ELK3: variants seen among roughly 807,000 people sequenced by gnomAD.
ELK3 encodes ETS domain-containing protein Elk-3.
Under a neutral mutation model 28.9 loss-of-function variants are expected in ELK3, and 10 were observed. The ratio of observed to expected loss-of-function variants is 0.35; its 90% confidence interval spans 0.21 to 0.59. ELK3 has a LOEUF of 0.59. Among genes scored for constraint, ELK3 ranks in the 20% least tolerant of loss-of-function variants. ELK3 has a pLI of 0.82. For missense variants in ELK3, 463 were observed against 517.3 expected (o/e 0.90, Z 1.02); for synonymous variants, 272 against 243.5 (o/e 1.12, Z -1.09).
In ELK3 at chr12:96,259,803, G is replaced by A. The variant is rs749729899; in HGVS notation, c.1075G>A (p.Val359Ile). The change falls in exon 4 of 5, where the codon GTT becomes ATT. Residue 359 changes from valine (V) to isoleucine (I), a missense_variant. Physicochemically the swap from Val to Ile is conservative, Grantham distance 29. This residue lies in a region of ELK3 where 408 missense variants were observed against 414.8 expected (regional missense o/e 0.98). Coordinates refer to ENST00000228741, the MANE Select transcript of ELK3 (RefSeq NM_005230.4). ...SIHFWSSLSP[V>I]APLSPARLQG... ...ACATTTCTGGAGCAGCCTTAGTCCAGTTGCTCCGCTGAGTCCTGCCAGGCT... is the reference window on the plus strand; with the variant it reads ...ACATTTCTGGAGCAGCCTTAGTCCAATTGCTCCGCTGAGTCCTGCCAGGCT... 1.9e-6 allele frequency: 3 copies of A among 1,610,194 alleles called. No individual in the cohort carries two copies. The African/African-American group carries it at 4.0e-5, about 21-fold the overall frequency.
At chr12:96,262,190 T>C (rs190978412) in intron 4 of ELK3, among the ~76,000 whole-genome samples, 219 of 152,174 alleles carry the variant, frequency 1.4e-3, no homozygotes, top group African/African-American at 5.1e-3. Flanking sequence ...AGTTAATTTT[T>C]GTATTTTTAG....
At chr12:96,235,044 G>A (rs1250572696) in intron 2 of ELK3, among the ~76,000 whole-genome samples, 1 of 152,038 alleles carries the variant, frequency 6.6e-6, no homozygotes, top group African/African-American at 2.4e-5. Context: ...GAGTGGCCCC[G>A]GAATACCCCA....
At chr12:96,240,567 T>A (rs138634172) in intron 2 of ELK3, among the ~76,000 whole-genome samples, 1 of 152,254 alleles carries the variant, frequency 6.6e-6, no homozygotes, top group East Asian at 1.9e-4. Context: ...TAGGGTCAAG[T>A]GGGTATTTAT....
intron 3 of ELK3, among the ~76,000 whole-genome samples, chr12:96,249,393 G>A (rs139693957): frequency 6.6e-6 from 1 of 152,134 alleles, no homozygotes; most frequent in East Asian, 1.9e-4. Flanking sequence ...CACTGCGGAG[G>A]GGGAGGGCCA....
At chr12:96,203,032 G>A (rs572885231) in intron 1 of ELK3, among the ~76,000 whole-genome samples, 11 of 152,100 alleles carry the variant, frequency 7.2e-5, no homozygotes, top group Admixed American at 2.0e-4. Flanking sequence ...ACAGGCATGC[G>A]CCACCCCACC....
At chr12:96,237,956 T>C (rs1951795878) in intron 2 of ELK3, among the ~76,000 whole-genome samples, 1 of 151,876 alleles carries the variant, frequency 6.6e-6, no homozygotes. Flanking sequence ...TTGAAGAAAA[T>C]GTGTTGGCCA....
intron 2 of ELK3, among the ~76,000 whole-genome samples, chr12:96,234,122 G>A (rs1565785335): frequency 6.6e-6 from 1 of 152,216 alleles, no homozygotes; most frequent in African/African-American, 2.4e-5. Context: ...AGGGGACCAG[G>A]CTGCTGGGAG....
chr12:96,248,901 T>G (rs140188175), intron 3 of ELK3, among the ~76,000 whole-genome samples: 1,628 of 152,320 alleles, frequency 0.011, 47 homozygotes, highest in Admixed American at 0.063. Context: ...AGTTCAGATG[T>G]TTTCAGATTT....
chr12:96,221,039 G>A (rs1394866878), intron 1 of ELK3, among the ~76,000 whole-genome samples: 1 of 152,170 alleles, frequency 6.6e-6, no homozygotes, highest in East Asian at 1.9e-4. Context: ...ACCCCAACTC[G>A]GCAATGGGAT....
intron 1 of ELK3, 150 bp from the exon 2 acceptor site, chr12:96,223,415 C>T (rs931739636): frequency 2.9e-6 from 2 of 679,288 alleles, no homozygotes; most frequent in African/African-American, 3.6e-5. Context: ...CAGAGTGGCC[C>T]CTTGAGATGG....
intron 3 of ELK3, among the ~76,000 whole-genome samples, chr12:96,256,846 G>A (rs1211362208): frequency 6.6e-6 from 1 of 152,202 alleles, no homozygotes; most frequent in Non-Finnish European, 1.5e-5. Flanking sequence ...CGGGGCAGGG[G>A]TGCACAGGTG....
At chr12:96,208,971 C>T (rs1488633444) in intron 1 of ELK3, among the ~76,000 whole-genome samples, 1 of 152,202 alleles carries the variant, frequency 6.6e-6, no homozygotes, top group Non-Finnish European at 1.5e-5. Flanking sequence ...TGCAGACTTC[C>T]CGGTCCCCAG....
At chr12:96,209,735 T>C (rs1214725794) in intron 1 of ELK3, among the ~76,000 whole-genome samples, 1 of 152,234 alleles carries the variant, frequency 6.6e-6, no homozygotes, top group African/African-American at 2.4e-5. Flanking sequence ...ATCCTTATTA[T>C]AAAGATCATT....
At chr12:96,202,311 G>C (rs918563341) in intron 1 of ELK3, among the ~76,000 whole-genome samples, 1 of 152,128 alleles carries the variant, frequency 6.6e-6, no homozygotes, top group Non-Finnish European at 1.5e-5. Context: ...TGCTTAAGGT[G>C]TCCTCTGCCC....
chr12:96,212,373 A>T (rs1951584155), intron 1 of ELK3, among the ~76,000 whole-genome samples: 2 of 152,248 alleles, frequency 1.3e-5, no homozygotes, highest in South Asian at 4.1e-4. Flanking sequence ...CTGTTTAAAG[A>T]AAAAGCATTG....
At chr12:96,241,366 A>C (rs531678257) in intron 2 of ELK3, among the ~76,000 whole-genome samples, 1 of 148,902 alleles carries the variant, frequency 6.7e-6, no homozygotes, top group Non-Finnish European at 1.5e-5. Flanking sequence ...TTTCTCATCT[A>C]TCTACTATTT....
chr12:96,217,249 G>T (rs969676211), intron 1 of ELK3, among the ~76,000 whole-genome samples: 1 of 152,114 alleles, frequency 6.6e-6, no homozygotes, highest in South Asian at 2.1e-4. Context: ...AGACCTAGTC[G>T]AAAAGAAAAG....
chr12:96,218,903 C>T (rs563746495), intron 1 of ELK3, among the ~76,000 whole-genome samples: 1 of 152,270 alleles, frequency 6.6e-6, no homozygotes, highest in Non-Finnish European at 1.5e-5. Flanking sequence ...CCGCCTCGGC[C>T]TCGCAAAGTG....
rs752949234 is a variant in ELK3 at position 96,247,456 on chromosome 12, C to G, written c.724C>G (p.Arg242Gly). 1.9e-6 allele frequency: 3 copies of G among 1,614,018 alleles called. No homozygotes were observed. The highest frequency in any genetic ancestry group is 2.7e-5 in the African/African-American group (2 of 74,926). ...SISSASPFSS[R>G]SPSLSPNSPL... ...TTCATCCGCCTCACCCTTCTCATCT[C>G]GGTCCCCGTCCCTGTCCCCCAACTC... The change falls in exon 3 of 5, where the codon CGG becomes GGG. Residue 242 changes from arginine (R) to glycine (G), a missense_variant. Transcript: ENST00000228741. This position sits in a 1 kb window ranked among gnomAD's most constrained non-coding sequence, Gnocchi z 5.5.
Sources: allele counts gnomAD v4.1 joint callset (sites outside exome capture counted in the v4.1 genomes callset), GRCh38; gene constraint gnomAD v4.1.1; regional missense constraint gnomAD v4.1.1; non-coding constraint Gnocchi (gnomAD v3.1); transcripts MANE v1.5; gene names NCBI Gene and HGNC (gene_info 2026-07-23, HGNC 2026-07-21).